Variants in XKR4 observed in about 807,000 individuals in gnomAD.
XKR4 encodes the protein XK related 4.
XKR4 carries 12 observed loss-of-function variants against 53.9 expected under a neutral mutation model. The ratio of observed to expected loss-of-function variants is 0.22; its 90% CI spans 0.14 to 0.36. The LOEUF is 0.36. Among genes scored for constraint, XKR4 ranks in the 10% least tolerant of loss-of-function variants. The pLI is 1.00. For missense variants in XKR4, 799 were observed against 859.5 expected (o/e 0.93, Z 0.88); for synonymous variants, 354 against 362.4 (o/e 0.98, Z 0.26).
chr8:55,156,433 G>T (rs1167060661), intron 1 of XKR4, among the ~76,000 whole-genome samples: 1 of 131,874 alleles, frequency 7.6e-6, no homozygotes, highest in Admixed American at 7.9e-5. Flanking sequence ...GTGGGGAGAG[G>T]GAGGAAGGGC....
intron 1 of XKR4, among the ~76,000 whole-genome samples, chr8:55,212,932 CAT>C (rs1817749808): frequency 1.3e-5 from 2 of 152,022 alleles, no homozygotes; most frequent in Non-Finnish European, 2.9e-5. Flanking sequence ...GGAATACCAA[CAT>C]AAAATTTATT....
chr8:55,252,875 A>G (rs1818379558), intron 1 of XKR4, among the ~76,000 whole-genome samples: 1 of 152,144 alleles, frequency 6.6e-6, no homozygotes, highest in African/African-American at 2.4e-5. Flanking sequence ...GTTGATCAAA[A>G]TCAGAAAGAG....
At chr8:55,291,611 G>T (rs987854427) in intron 1 of XKR4, among the ~76,000 whole-genome samples, 1 of 152,096 alleles carries the variant, frequency 6.6e-6, no homozygotes, top group Non-Finnish European at 1.5e-5. Flanking sequence ...TCATTGATTT[G>T]AGTGACTGTA....
chr8:55,470,432 T>C (rs1805861631), intron 2 of XKR4, among the ~76,000 whole-genome samples: 1 of 152,152 alleles, frequency 6.6e-6, no homozygotes, highest in Non-Finnish European at 1.5e-5. Flanking sequence ...GATGGTTTTA[T>C]AAGTGGAAAC....
intron 2 of XKR4, among the ~76,000 whole-genome samples, chr8:55,441,848 GC>G (rs1805273044): frequency 6.6e-6 from 1 of 152,006 alleles, no homozygotes; most frequent in Admixed American, 6.6e-5. Context: ...ATGAGGTATA[GC>G]TAAAACAGTG....
At chr8:55,517,849 T>C (rs1806738990) in intron 2 of XKR4, 1 of 152,184 alleles carries the variant, frequency 6.6e-6, no homozygotes, top group Non-Finnish European at 1.5e-5. Flanking sequence ...AAGGATGCAT[T>C]TGTTGTTTTA....
intron 1 of XKR4, among the ~76,000 whole-genome samples, chr8:55,325,561 G>A (rs929773227): frequency 3.9e-5 from 6 of 152,304 alleles, no homozygotes; most frequent in East Asian, 1.9e-4. Context: ...GAATTTGAAT[G>A]TAAATAAAAT....
At chr8:55,469,250 G>T (rs575814864) in intron 2 of XKR4, among the ~76,000 whole-genome samples, 3 of 152,050 alleles carry the variant, frequency 2.0e-5, no homozygotes, top group Non-Finnish European at 4.4e-5. Flanking sequence ...CAACACTGTA[G>T]CCAGGTTGAC....
At chr8:55,111,541 A>C (rs948358315) in intron 1 of XKR4, among the ~76,000 whole-genome samples, 3 of 152,218 alleles carry the variant, frequency 2.0e-5, no homozygotes, top group African/African-American at 7.2e-5. Context: ...GAGAGTCTTA[A>C]GCGTATTTAC....
chr8:55,202,900 GC>G (rs60845553), intron 1 of XKR4, among the ~76,000 whole-genome samples: 6,566 of 152,278 alleles, frequency 0.043, 466 homozygotes, highest in African/African-American at 0.15. Context: ...GAGCAGCCCT[GC>G]TGGCTCGTAC....
chr8:55,407,481 G>A (rs1804701782), intron 2 of XKR4, among the ~76,000 whole-genome samples: 2 of 152,336 alleles, frequency 1.3e-5, no homozygotes, highest in Middle Eastern at 3.4e-3. Flanking sequence ...TGCCTCCGCC[G>A]GAGTGATGAA....
chr8:55,379,106 A>T (rs1032383059), intron 2 of XKR4, among the ~76,000 whole-genome samples: 2 of 152,192 alleles, frequency 1.3e-5, no homozygotes, highest in Non-Finnish European at 2.9e-5. Context: ...TAGAAGGAAG[A>T]TATCATTAAG....
At chr8:55,289,540 A>G (rs1413649558) in intron 1 of XKR4, among the ~76,000 whole-genome samples, 2 of 102,628 alleles carry the variant, frequency 1.9e-5, no homozygotes, top group African/African-American at 4.2e-5. Flanking sequence ...AAAGAAAGAA[A>G]GAAGGAAGGA....
intron 1 of XKR4, among the ~76,000 whole-genome samples, chr8:55,113,434 A>G (rs564736830): frequency 6.6e-6 from 1 of 152,324 alleles, no homozygotes; most frequent in South Asian, 2.1e-4. Context: ...GACCTCCATT[A>G]TGAGATACAT....
chr8:55,105,906 G>A (rs191531483), intron 1 of XKR4, among the ~76,000 whole-genome samples: 3 of 152,248 alleles, frequency 2.0e-5, no homozygotes, highest in East Asian at 1.9e-4. Flanking sequence ...GGGAGTAGAC[G>A]CATCTTTGCT....
intron 1 of XKR4, among the ~76,000 whole-genome samples, chr8:55,196,789 C>A (rs905113259): frequency 6.6e-6 from 1 of 152,212 alleles, no homozygotes; most frequent in Middle Eastern, 3.4e-3. Flanking sequence ...GAATTAGAAT[C>A]TTTTAGGACA....
chr8:55,308,794 T>C (rs1044705680), intron 1 of XKR4, among the ~76,000 whole-genome samples: 2 of 152,188 alleles, frequency 1.3e-5, no homozygotes, highest in South Asian at 4.1e-4. Context: ...CTCTCAAAGA[T>C]GTCCACATCA....
chr8:55,229,474 G>A (rs1044500571), intron 1 of XKR4, among the ~76,000 whole-genome samples: 4 of 152,256 alleles, frequency 2.6e-5, no homozygotes, highest in African/African-American at 7.2e-5. Context: ...GCAGGGCTCA[G>A]GGCCTGGAAC....
At chr8:55,423,982 G>A (rs1804973625) in intron 2 of XKR4, among the ~76,000 whole-genome samples, 1 of 152,144 alleles carries the variant, frequency 6.6e-6, no homozygotes, top group Non-Finnish European at 1.5e-5. Context: ...CTTTCCTTTA[G>A]TAACTCCATT....
Sources: gnomAD v4.1 joint callset for allele counts (sites outside exome capture counted in the v4.1 genomes callset) on GRCh38, gnomAD v4.1.1 for gene constraint, MANE v1.5 for transcripts, NCBI Gene and HGNC (gene_info 2026-07-23, HGNC 2026-07-21) for gene names.